The following MAML2 variants were observed in gnomAD, a reference collection of about 807,000 sequenced individuals.
MAML2 encodes the protein mastermind-like protein 2.
Under a neutral mutation model 96.1 loss-of-function variants are expected in MAML2, and 22 were observed. That is an observed-to-expected ratio of 0.23 (90% CI 0.16 to 0.33). MAML2 has a LOEUF of 0.33. Among genes scored for constraint, MAML2 ranks in the 10% least tolerant of loss-of-function variants. MAML2 has a pLI of 1.00. For missense variants in MAML2, 1,367 were observed against 1,392.4 expected, an observed-to-expected ratio of 0.98 and a Z score of 0.29; for synonymous variants, 561 against 521.3, an observed-to-expected ratio of 1.08 and a Z score of -1.04.
chr11:96,274,071 CTTTTCCT>C (rs1281494438), intron 1 of MAML2, among the ~76,000 whole-genome samples: 3 of 142,230 alleles, frequency 2.1e-5, no homozygotes, highest in Non-Finnish European at 4.6e-5. Flanking sequence ...TTTCTTTTTC[CTTTTCCT>C]TTTTTTTTTT....
chr11:96,145,559 G>T lies in MAML2; in HGVS notation c.514-52042C>A, dbSNP rs571012267. 5.1e-4 allele frequency among the ~76,000 whole-genome samples: 77 copies of T among 152,310 alleles called. No homozygotes were observed. The South Asian group carries it at 0.016, about 31-fold the overall frequency. ...GCCTGGCACAGTGGAAGAAATATTT[G>T]TCTAGGTGTTAAGACGTGTGGGTTC... On this transcript the variant is annotated intron_variant, in intron 1 of 4. Transcript: ENST00000524717.
rs767621540 is a variant in MAML2 at position 96,092,706 on chromosome 11, T to A, written c.1325A>T (p.Asn442Ile). The part of the protein sequence containing the change: ...HAQQLKQIAA[N>I]RQQHARMQQH... The stretch of plus-strand genomic sequence containing the variant: ...CTGCATCCGGGCATGCTGCTGACGA[T>A]TAGCAGCTATCTGTTTGAGCTGCTG... Residue 442 changes from asparagine to isoleucine, a missense_variant, in exon 2 of 5, where the codon AAT becomes ATT. Physicochemically the swap from Asn to Ile is moderately radical, Grantham distance 149. Coordinates refer to ENST00000524717, the MANE Select transcript of MAML2 (RefSeq NM_032427.4). This position sits in a 1 kb window ranked among gnomAD's most constrained non-coding sequence, Gnocchi z 4.1. The A allele has an allele frequency of 4.4e-5, 71 of 1,614,012 alleles. 3 individuals carry two copies. The highest frequency in any genetic ancestry group is 3.7e-4 in the South Asian group (34 of 91,084).
intron 1 of MAML2, among the ~76,000 whole-genome samples, chr11:96,231,586 C>T (rs1306420350): frequency 6.6e-6 from 1 of 152,052 alleles, no homozygotes; most frequent in Non-Finnish European, 1.5e-5. Context: ...TAAAACTCAA[C>T]TGAAAGAGAA....
rs1565211582 is a variant in MAML2 at position 96,092,219 on chromosome 11, C to CTGCTGT, written c.1811_1812insACAGCA (p.Gln620_Gln621dup). The CTGCTGT allele has an allele frequency of 9.8e-5, 5 of 51,102 alleles. No individual in the cohort carries two copies. Among genetic ancestry groups the CTGCTGT allele is most frequent in the Non-Finnish European group, 1.4e-4 (5 of 36,346 alleles). 3.2% of individuals were successfully genotyped at this position (51,102 alleles called of 1,614,324 possible). A position where few individuals can be genotyped will look rare whatever the true frequency, so the allele number is the denominator to read the frequency against. ...GCTGCTGCTGCTGCTGTTGCTGCTG[C>CTGCTGT]TGCTGCTGCTGCTGCTGCTGCTGCT... On this transcript the variant is annotated inframe_insertion, in exon 2 of 5. Coordinates refer to ENST00000524717, the MANE Select transcript of MAML2 (RefSeq NM_032427.4). The surrounding 1 kb of genome is among the most constrained non-coding windows in gnomAD (Gnocchi z 4.1).
At chr11:96,245,619 C>A (rs1010197095) in intron 1 of MAML2, among the ~76,000 whole-genome samples, 1 of 151,942 alleles carries the variant, frequency 6.6e-6, no homozygotes, top group Non-Finnish European at 1.5e-5. Context: ...CGTTTGCTGA[C>A]TTGCTTCAAT....
intron 1 of MAML2, among the ~76,000 whole-genome samples, chr11:96,168,776 G>A (rs1205779520): frequency 6.6e-6 from 1 of 152,152 alleles, no homozygotes; most frequent in Non-Finnish European, 1.5e-5. Context: ...GAACATCAGG[G>A]AGGAAATGAA....
At chr11:96,033,812 T>C (rs1016380589) in intron 2 of MAML2, among the ~76,000 whole-genome samples, 56 of 152,226 alleles carry the variant, frequency 3.7e-4, no homozygotes, top group African/African-American at 1.3e-3. Flanking sequence ...CAGAGAGCTC[T>C]TGGAAGGGAG....
Position 96,256,169 on chromosome 11 carries a change from T to C in MAML2, c.513+85214A>G, listed in dbSNP as rs1020097851. ...GATTACAGGTGTGACCCACCGCACCTGGCCAATTTCCCCTTTTTATATGAA... is the reference window on the plus strand; with the variant it reads ...GATTACAGGTGTGACCCACCGCACCCGGCCAATTTCCCCTTTTTATATGAA... On this transcript the variant is annotated intron_variant, in intron 1 of 4. Coordinates refer to ENST00000524717, the MANE Select transcript of MAML2 (RefSeq NM_032427.4). Among the ~76,000 whole-genome samples the C allele has an allele frequency of 3.3e-5, 5 of 152,188 alleles. No individual in the cohort carries two copies. In the South Asian group the frequency reaches 8.3e-4, roughly 25 times the overall value.
chr11:96,278,764 A>G (rs1705855571), intron 1 of MAML2, among the ~76,000 whole-genome samples: 1 of 152,226 alleles, frequency 6.6e-6, no homozygotes, highest in Admixed American at 6.5e-5. Context: ...CACATCACAA[A>G]GGTCTTTGTG....
chr11:96,331,909 G>A (rs1387989136), intron 1 of MAML2, among the ~76,000 whole-genome samples: 3 of 151,602 alleles, frequency 2.0e-5, no homozygotes, highest in Non-Finnish European at 4.4e-5. Flanking sequence ...TCTATAAATT[G>A]CAGAATAGTG....
At chr11:96,029,423 T>C (rs1328165153) in intron 2 of MAML2, among the ~76,000 whole-genome samples, 1 of 152,148 alleles carries the variant, frequency 6.6e-6, no homozygotes, top group African/African-American at 2.4e-5. Flanking sequence ...AGGTTTCTAG[T>C]TGTTTGCCGT....
chr11:96,012,664 G>A (rs1050713413), intron 2 of MAML2, among the ~76,000 whole-genome samples: 5 of 152,136 alleles, frequency 3.3e-5, no homozygotes, highest in African/African-American at 1.2e-4. Context: ...ATAAGAAATT[G>A]ATTAAACACT....
At chr11:96,055,238 G>A (rs1859045539) in intron 2 of MAML2, among the ~76,000 whole-genome samples, 1 of 152,108 alleles carries the variant, frequency 6.6e-6, no homozygotes, top group South Asian at 2.1e-4. Context: ...CATGCCCATG[G>A]CACTACCATG....
chr11:96,068,664 T>C (rs902425662), intron 2 of MAML2, among the ~76,000 whole-genome samples: 1 of 151,758 alleles, frequency 6.6e-6, no homozygotes, highest in Non-Finnish European at 1.5e-5. Context: ...CCGTGTCAAC[T>C]AAAAATACAA....
intron 1 of MAML2, among the ~76,000 whole-genome samples, chr11:96,108,769 G>A (rs915449734): frequency 6.6e-6 from 1 of 151,986 alleles, no homozygotes; most frequent in African/African-American, 2.4e-5. Flanking sequence ...ACAATGGCTC[G>A]TACCTACAAT....
intron 1 of MAML2, among the ~76,000 whole-genome samples, chr11:96,277,554 C>A (rs908539610): frequency 6.6e-6 from 1 of 151,814 alleles, no homozygotes; most frequent in African/African-American, 2.4e-5. Flanking sequence ...GAGTTTGAGA[C>A]CAGCCTGGCC....
chr11:96,332,926 C>CT (rs1475383250), intron 1 of MAML2, among the ~76,000 whole-genome samples: 7 of 152,306 alleles, frequency 4.6e-5, no homozygotes, highest in African/African-American at 1.7e-4. Flanking sequence ...TACCAGGACT[C>CT]TAAGAGATAC....
chr11:96,003,910 A>C (rs1197885402), intron 2 of MAML2, among the ~76,000 whole-genome samples: 1 of 152,190 alleles, frequency 6.6e-6, no homozygotes, highest in African/African-American at 2.4e-5. Context: ...AACAATAATT[A>C]TCCAGAAATG....
chr11:96,183,613 T>C (rs999506090), intron 1 of MAML2, among the ~76,000 whole-genome samples: 3 of 151,510 alleles, frequency 2.0e-5, no homozygotes, highest in African/African-American at 7.3e-5. Context: ...TCTCCCTGTG[T>C]TGCCCAGACT....
Sources: allele counts gnomAD v4.1 joint callset (sites outside exome capture counted in the v4.1 genomes callset), GRCh38; gene constraint gnomAD v4.1.1; non-coding constraint Gnocchi (gnomAD v3.1); transcripts MANE v1.5; gene names NCBI Gene and HGNC (gene_info 2026-07-23, HGNC 2026-07-21).